Variants in HPN observed in about 807,000 individuals in gnomAD.
HPN encodes hepsin.
HPN carries 13 observed loss-of-function variants against 55.9 expected under a neutral mutation model. The observed-to-expected ratio is 0.23, with a 90% confidence interval of 0.15 to 0.37. HPN has a LOEUF of 0.37. HPN is among the 10% of genes least tolerant of loss of function. HPN has a pLI of 1.00. For missense variants in HPN, 451 were observed against 575.8 expected (o/e 0.78, Z 2.22); for synonymous variants, 225 against 240.3 (o/e 0.94, Z 0.59).
chr19:35,065,658 G>T lies in HPN; in HGVS notation c.1027G>T (p.Glu343Ter). The change falls in exon 11 of 13, where the codon GAG (glutamate) becomes TAG (stop). Residue 343 changes from glutamate to a stop codon, truncating the protein, a stop_gained. Transcript: ENST00000672452. LOFTEE classifies it high-confidence loss of function. ...KPKMFCAGYP[E>*]GGIDACQGDS... is the part of the protein sequence containing the mutation. ...CAAGATGTTCTGTGCTGGCTACCCCGAGGGTGGCATTGATGCCTGCCAGGT... is the reference window on the plus strand; with the variant it reads ...CAAGATGTTCTGTGCTGGCTACCCCTAGGGTGGCATTGATGCCTGCCAGGT... The T allele has an allele frequency of 6.2e-7, 1 of 1,614,152 alleles. No individual in the cohort carries two copies. The highest frequency in any genetic ancestry group is 8.5e-7 in the Non-Finnish European group (1 of 1,180,018).
chr19:35,042,638 G>A, intron 2 of HPN, 116 bp downstream of exon 2: 1 of 661,772 alleles, frequency 1.5e-6, no homozygotes, highest in South Asian at 1.8e-5. Flanking sequence ...CCTCCCAGAT[G>A]CATCCCCACC....
intron 2 of HPN, among the ~76,000 whole-genome samples, chr19:35,045,759 G>A (rs962773898): frequency 6.4e-5 from 9 of 141,314 alleles, no homozygotes; most frequent in African/African-American, 1.6e-4. Context: ...ATGAGGATGC[G>A]TCCCACACCG....
At chr19:35,050,917 T>C (rs1197049325) in intron 4 of HPN, among the ~76,000 whole-genome samples, 2 of 129,092 alleles carry the variant, frequency 1.5e-5, no homozygotes, top group African/African-American at 6.1e-5. Context: ...TTTCTTTCTT[T>C]TTTTTTTTTT....
intron 4 of HPN, chr19:35,059,114 G>C (rs994637123): frequency 5.9e-6 from 1 of 169,944 alleles, no homozygotes; most frequent in Non-Finnish European, 1.3e-5. Flanking sequence ...GTTCGCGGAG[G>C]GGCCGGCCAC....
chr19:35,060,710 A>T lies in HPN; in HGVS notation c.704A>T (p.Gln235Leu), dbSNP rs140635924. 1.9e-6 allele frequency: 3 copies of T among 1,614,058 alleles called. No homozygotes were observed. The African/African-American group carries it at 4.0e-5, about 22-fold the overall frequency. The change falls in exon 9 of 13, where the codon CAG becomes CTG. Residue 235 changes from glutamine to leucine, a missense_variant. By Grantham distance (113) the Gln-to-Leu change is moderately radical. This residue lies in a region of HPN where 378 missense variants were observed against 445.5 expected (regional missense o/e 0.85). Transcript: ENST00000672452. Reference sequence around the variant, plus strand: ...CCCCACGGTCTGCAGCTGGGGGTGCAGGCTGTGGTCTACCACGGGGGCTAT... The same window carrying T: ...CCCCACGGTCTGCAGCTGGGGGTGCTGGCTGTGGTCTACCACGGGGGCTAT... ...ASPHGLQLGV[Q>L]AVVYHGGYLP...
chr19:35,049,866 T>G lies in HPN; in HGVS notation c.160+350T>G, dbSNP rs560273239. 3.1e-3 allele frequency among the ~76,000 whole-genome samples: 472 copies of G among 151,868 alleles called. 5 individuals are homozygous for G. Among genetic ancestry groups the G allele is most frequent in the African/African-American group, 0.01 (428 of 41,428 alleles). On this transcript the variant is annotated intron_variant, in intron 4 of 12. Coordinates refer to ENST00000672452, the MANE Select transcript of HPN (RefSeq NM_001384133.1). ...GGTTATGCTAATTTTTGTTTGTTTT[T>G]TTTTTTTTTTGCATCCATATACATG...
chr19:35,051,787 C>G (rs1359786807), intron 4 of HPN, among the ~76,000 whole-genome samples: 3 of 152,138 alleles, frequency 2.0e-5, no homozygotes, highest in African/African-American at 7.2e-5. Flanking sequence ...GAAGTTAGGG[C>G]TGTTACATCC....
In HPN at chr19:35,059,913, C is replaced by A. The variant is rs1022224261; in HGVS notation, c.330C>A (p.Gly110=). 1.3e-6 allele frequency: 2 copies of A among 1,503,024 alleles called. No homozygotes were observed. The highest frequency in any genetic ancestry group is 1.8e-6 in the Non-Finnish European group (2 of 1,126,474). 93.1% of individuals were successfully genotyped at this position (1,503,024 alleles called of 1,614,324 possible). A position where few individuals can be genotyped will look rare whatever the true frequency, so the allele number is the denominator to read the frequency against. Residue 110 remains glycine (G), a synonymous_variant, in exon 6 of 13, where the codon GGC becomes GGA. Coordinates refer to ENST00000672452, the MANE Select transcript of HPN (RefSeq NM_001384133.1). ...CCGAGCTGGACGTGCGAACGGCGGGCGCCAATGGCACGTCGGGCTTCTTCT... is the reference window on the plus strand; with the variant it reads ...CCGAGCTGGACGTGCGAACGGCGGGAGCCAATGGCACGTCGGGCTTCTTCT... ...THSELDVRTA[G]ANGTSGFFCV...
upstream of HPN, among the ~76,000 whole-genome samples, chr19:35,041,393 G>T (rs1030766840): frequency 2.6e-5 from 4 of 152,082 alleles, no homozygotes; most frequent in African/African-American, 9.7e-5. Flanking sequence ...AAAGGGCGGG[G>T]GGAAGGGTTC....
In HPN at chr19:35,060,665, G is replaced by C. The variant is rs745668080; in HGVS notation, c.659G>C (p.Gly220Ala). The change falls in exon 9 of 13, where the codon GGT (glycine) becomes GCT (alanine). Residue 220 changes from glycine (G) to alanine (A), a missense_variant. Around this residue, in one of 2 missense-constraint regions of HPN, gnomAD observed 378 missense variants for 445.5 expected, o/e 0.85. Transcript: ENST00000672452. ...RVLSRWRVFA[G>A]AVAQASPHGL... ...CTGTCCCGATGGCGAGTGTTTGCCG[G>C]TGCCGTGGCCCAGGCCTCTCCCCAC... The C allele has an allele frequency of 3.5e-5, 57 of 1,614,024 alleles. No homozygotes were observed. The highest frequency in any genetic ancestry group is 4.7e-5 in the Non-Finnish European group (56 of 1,180,044).
intron 2 of HPN, among the ~76,000 whole-genome samples, chr19:35,045,949 T>C (rs1295654790): frequency 2.0e-5 from 3 of 152,188 alleles, no homozygotes; most frequent in African/African-American, 4.8e-5. Flanking sequence ...CATAGTGGCA[T>C]TGCTTCCTGT....
chr19:35,060,321 G>C (rs762363556), intron 7 of HPN, 26 bp from the exon 8 acceptor site: 1 of 1,608,962 alleles, frequency 6.2e-7, no homozygotes, highest in Non-Finnish European at 8.5e-7. Context: ...CCCTGTCGCC[G>C]CCCCCTGCTG....
In HPN at chr19:35,059,758, C is replaced by A; in HGVS notation, c.246C>A (p.Asn82Lys). The A allele has an allele frequency of 1.3e-6, 2 of 1,591,218 alleles. No individual in the cohort carries two copies. The highest frequency in any genetic ancestry group is 1.8e-5 in the Admixed American group (1 of 56,432). The change falls in exon 5 of 13, where the codon AAC becomes AAA. Residue 82 changes from asparagine (N) to lysine (K), a missense_variant. Asn to Lys is a moderately conservative substitution (Grantham distance 94). This residue lies in a region of HPN where 378 missense variants were observed against 445.5 expected (regional missense o/e 0.85). Coordinates refer to ENST00000672452, the MANE Select transcript of HPN (RefSeq NM_001384133.1). The part of the protein sequence containing the change: ...TWRLLCSSRS[N>K]ARVAGLSCEE... ...GGCTGCTGTGCTCCTCGCGCTCCAA[C>A]GCCAGGGTAGCCGGACTCAGCTGCG... is the stretch of plus-strand genomic sequence containing the variant.
rs946968952 is a variant in HPN at position 35,054,462 on chromosome 19, G to T, written c.160+4946G>T. 5.9e-5 allele frequency among the ~76,000 whole-genome samples: 9 copies of T among 151,974 alleles called. No individual in the cohort carries two copies. The South Asian group carries it at 1.9e-3, about 32-fold the overall frequency. On this transcript the variant is annotated intron_variant, in intron 4 of 12. Coordinates refer to ENST00000672452, the MANE Select transcript of HPN (RefSeq NM_001384133.1). ...GAAGTGGTCACTATCTCCGAGGATG[G>T]TTGTGGGATTCAGAGAGCCACTTGG...
At chr19:35,058,575 T>A (rs909320694) in intron 4 of HPN, among the ~76,000 whole-genome samples, 2 of 147,142 alleles carry the variant, frequency 1.4e-5, no homozygotes, top group Non-Finnish European at 3.0e-5. Context: ...AATATTATAT[T>A]ATAATAATAT....
chr19:35,048,082 A>G (rs77478823), intron 2 of HPN, among the ~76,000 whole-genome samples: 1,438 of 96,974 alleles, frequency 0.015, 30 homozygotes, highest in African/African-American at 0.046. Flanking sequence ...GAAAGAAAGA[A>G]AAGGAAGGAA....
rs1265928857 is a variant in HPN at position 35,060,355 on chromosome 19, C to T, written c.463C>T (p.Arg155Cys). 73 of 1,611,574 alleles carry T rather than the reference C, an allele frequency of 4.5e-5. No individual in the cohort carries two copies. The highest frequency in any genetic ancestry group is 6.0e-5 in the Non-Finnish European group (71 of 1,179,854). Residue 155 changes from arginine (R) to cysteine (C), a missense_variant, in exon 8 of 13, where the codon CGC becomes TGC. Physicochemically the swap from Arg to Cys is radical, Grantham distance 180 (BLOSUM62 -3). Around this residue, in one of 2 missense-constraint regions of HPN, gnomAD observed 378 missense variants for 445.5 expected, o/e 0.85. Transcript: ENST00000672452. ...FLAAICQDCG[R>C]RKLPVDRIVG... is the part of the protein sequence containing the mutation. Reference sequence around the variant, plus strand: ...TGACCCTTGTCCCACAGACTGTGGCCGCAGGAAGCTGCCCGTGGACCGCAT... The same window carrying T: ...TGACCCTTGTCCCACAGACTGTGGCTGCAGGAAGCTGCCCGTGGACCGCAT...
intron 4 of HPN, among the ~76,000 whole-genome samples, chr19:35,053,658 T>A (rs915347179): frequency 6.6e-5 from 10 of 152,208 alleles, no homozygotes; most frequent in Non-Finnish European, 1.3e-4. Flanking sequence ...GGCATGAGAA[T>A]CGCTTGAACT....
rs757730583 is a variant in HPN at position 35,060,381 on chromosome 19, C to T, written c.489C>T (p.Ile163=). The T allele has an allele frequency of 5.6e-6, 9 of 1,612,538 alleles. No individual in the cohort carries two copies. Among genetic ancestry groups the T allele is most frequent in the South Asian group, 2.2e-5 (2 of 91,080 alleles). The part of the protein sequence containing the change: ...CGRRKLPVDR[I]VGGRDTSLGR... ...GCAGGAAGCTGCCCGTGGACCGCAT[C>T]GTGGGAGGCCGGGACACCAGCTTGG... is the stretch of plus-strand genomic sequence containing the variant. Residue 163 remains isoleucine, a synonymous_variant, in exon 8 of 13, where the codon ATC becomes ATT. Coordinates refer to ENST00000672452, the MANE Select transcript of HPN (RefSeq NM_001384133.1).
Sources: gnomAD v4.1 joint callset for allele counts (sites outside exome capture counted in the v4.1 genomes callset) on GRCh38, gnomAD v4.1.1 for gene constraint, gnomAD v4.1.1 regional missense constraint, MANE v1.5 for transcripts, NCBI Gene and HGNC (gene_info 2026-07-23, HGNC 2026-07-21) for gene names.